The following DCN variants were observed in gnomAD, a reference collection of about 807,000 sequenced individuals.
DCN encodes the protein decorin.
A neutral mutation model predicts 36.5 loss-of-function variants in DCN; 17 were observed. That is an observed-to-expected ratio of 0.47 (90% CI 0.32 to 0.70). The LOEUF (loss-of-function observed/expected upper bound fraction) is 0.70. Among genes scored for constraint, DCN ranks in the 30% least tolerant of loss-of-function variants. The pLI, the probability that DCN is intolerant of heterozygous loss-of-function variation, is 0.04. For missense variants in DCN, 389 were observed against 430.1 expected (o/e 0.90, Z 0.84); for synonymous variants, 163 against 161.4 (o/e 1.01, Z -0.07).
chr12:91,164,758 A>C, intron 2 of DCN, 41 bp from the exon 3 acceptor site: 1 of 949,546 alleles, frequency 1.1e-6, no homozygotes, highest in Non-Finnish European at 1.7e-6. Context: ...AGTAGAAAGG[A>C]CATGTGGCTA....
In DCN at chr12:91,145,162, C is replaced by A. The variant is rs1880929788; in HGVS notation, c.*896G>T. 1.3e-5 allele frequency: 2 copies of A among 152,144 alleles called. No individual in the cohort carries two copies. Among genetic ancestry groups the A allele is most frequent in the African/African-American group, 4.8e-5 (2 of 41,436 alleles). 9.4% of individuals were successfully genotyped at this position (152,144 alleles called of 1,614,324 possible). ...CATTGATAGTTGTTTATAAATTCTA[C>A]AGAAAACATTTCTAACATGGGTGGT... On this transcript the variant is annotated 3_prime_UTR_variant, in exon 8 of 8. Coordinates refer to ENST00000052754, the MANE Select transcript of DCN (RefSeq NM_001920.5).
chr12:91,158,310 TG>T lies in DCN; in HGVS notation c.523del (p.Gln175ArgfsTer2). ...AATGTCTGTACCTATGACAATCATC[TG>T]GTTCAGTCCATTGAAAGTAACTTTT... The part of the protein sequence containing the change: ...VRKVTFNGLN[Q>X]MIVIELGTNP... On this transcript the variant is annotated frameshift_variant, in exon 4 of 8. Transcript: ENST00000052754. LOFTEE classifies it high-confidence loss of function. 1 of 1,601,008 alleles carries T rather than the reference TG, an allele frequency of 6.2e-7. No individual in the cohort carries two copies. Among genetic ancestry groups the T allele is most frequent in the Non-Finnish European group, 8.6e-7 (1 of 1,168,016 alleles).
chr12:91,154,328 C>T (rs904619368), intron 5 of DCN, among the ~76,000 whole-genome samples: 4 of 152,032 alleles, frequency 2.6e-5, no homozygotes. Flanking sequence ...GGCACTTTTC[C>T]TACTTCAAAT....
chr12:91,146,351 C>CTTTTTTTTTTTTTTTTTTTTT (rs376886852), intron 7 of DCN, 99 bp from the exon 8 acceptor site: 1 of 288,004 alleles, frequency 3.5e-6, no homozygotes, highest in Non-Finnish European at 5.9e-6. Flanking sequence ...TAATCCTTCA[C>CTTTTTTTTTTTTTTTTTTTTT]TTTTTTTTTT....
intron 3 of DCN, among the ~76,000 whole-genome samples, chr12:91,161,991 A>C (rs1481144788): frequency 6.6e-6 from 1 of 150,382 alleles, no homozygotes; most frequent in African/African-American, 2.5e-5. Context: ...CCAGGGCTGC[A>C]GTGCAGTGGC....
Position 91,147,884 on chromosome 12 carries a change from T to A in DCN, c.886-1632A>T, listed in dbSNP as rs1432117700. Among the ~76,000 whole-genome samples, 5 of 152,208 alleles carry A rather than the reference T, an allele frequency of 3.3e-5. No individual in the cohort carries two copies. The East Asian group carries it at 9.6e-4, about 29-fold the overall frequency. ...AGAGTTTTTTTTCTGAATTATGTTT[T>A]ACAATCATGTTTAAGATAATGGTAA... On this transcript the variant is annotated intron_variant, in intron 7 of 7. Coordinates refer to ENST00000052754, the MANE Select transcript of DCN (RefSeq NM_001920.5).
intron 4 of DCN, among the ~76,000 whole-genome samples, 171 bp downstream of exon 4, chr12:91,158,125 T>TGTAA: frequency 6.6e-6 from 1 of 152,304 alleles, no homozygotes; most frequent in East Asian, 1.9e-4. Context: ...AAAACATCAC[T>TGTAA]GTAAGGTCCA....
intron 7 of DCN, among the ~76,000 whole-genome samples, chr12:91,149,972 T>G (rs948291977): frequency 6.6e-6 from 1 of 152,168 alleles, no homozygotes; most frequent in Non-Finnish European, 1.5e-5. Flanking sequence ...ATTATTAAGA[T>G]AGTAATTCTT....
At chr12:91,157,551 T>A (rs897660432) in intron 4 of DCN, among the ~76,000 whole-genome samples, 8 of 152,218 alleles carry the variant, frequency 5.3e-5, no homozygotes, top group Admixed American at 2.0e-4. Flanking sequence ...CCTAAGGTAT[T>A]TTAAAATTTT....
At chr12:91,167,974 G>A (rs1159763064) in intron 2 of DCN, among the ~76,000 whole-genome samples, 2 of 152,124 alleles carry the variant, frequency 1.3e-5, no homozygotes, top group Admixed American at 1.3e-4. Flanking sequence ...GGGACTACAG[G>A]CGTTTGCCAC....
intron 7 of DCN, among the ~76,000 whole-genome samples, chr12:91,148,721 C>CAAAAAAAAAAAAAAAAAAAAAAAAA (rs5799978): frequency 8.1e-5 from 4 of 49,478 alleles, no homozygotes; most frequent in African/African-American, 1.3e-4. Flanking sequence ...CGCTCCGACT[C>CAAAAAAAAAAAAAAAAAAAAAAAAA]AAAAAAAAAA....
intron 2 of DCN, among the ~76,000 whole-genome samples, chr12:91,168,460 A>G (rs1468799774): frequency 6.6e-6 from 1 of 152,066 alleles, no homozygotes; most frequent in African/African-American, 2.4e-5. Flanking sequence ...TTGTTAGTTT[A>G]TTTATTTTTT....
At chr12:91,163,038 G>C (rs1411100054) in intron 3 of DCN, among the ~76,000 whole-genome samples, 2 of 152,190 alleles carry the variant, frequency 1.3e-5, no homozygotes, top group Non-Finnish European at 2.9e-5. Flanking sequence ...AATGGAAGTA[G>C]ACACAGTGAG....
chr12:91,154,065 T>C (rs1881606105), intron 5 of DCN, among the ~76,000 whole-genome samples: 1 of 152,056 alleles, frequency 6.6e-6, no homozygotes, highest in Admixed American at 6.6e-5. Flanking sequence ...AGAAAGAACA[T>C]CTGATTGGCA....
intron 7 of DCN, among the ~76,000 whole-genome samples, chr12:91,149,881 G>C (rs923575150): frequency 6.6e-6 from 1 of 152,104 alleles, no homozygotes; most frequent in Admixed American, 6.5e-5. Flanking sequence ...TGCAAGGCAT[G>C]TATGCTAAAA....
rs141738168 is a variant in DCN, at chr12:91,178,520, T to C, written c.33A>G (p.Ala11=). Residue 11 remains alanine (A), a synonymous_variant, in exon 2 of 8, where the codon GCA becomes GCG. Transcript: ENST00000052754. The stretch of plus-strand genomic sequence containing the variant: ...GAAACGGTCCAGCCCAGGAAACTTG[T>C]GCAAGCAGAAGGAGGATGATAGTGG... MKATIILLLL[A]QVSWAGPFQQ... is the part of the protein sequence containing the mutation. 5.7e-3 allele frequency: 9,193 copies of C among 1,613,688 alleles called. 38 individuals are homozygous for C. Among genetic ancestry groups the C allele is most frequent in the Middle Eastern group, 7.8e-3 (47 of 6,058 alleles).
rs762598758 is a variant in DCN at position 91,178,487 on chromosome 12, T to C, written c.66A>G (p.Arg22=). The part of the protein sequence containing the change: ...QVSWAGPFQQ[R]GLFDFMLEDE... ...CTTCTAGCATAAAGTCAAATAAGCCTCTCTGTTGAAACGGTCCAGCCCAGG... is the reference window on the plus strand; with the variant it reads ...CTTCTAGCATAAAGTCAAATAAGCCCCTCTGTTGAAACGGTCCAGCCCAGG... The change falls in exon 2 of 8, where the codon AGA becomes AGG. Residue 22 remains arginine, a synonymous_variant. Transcript: ENST00000052754. 2 of 1,613,594 alleles carry C rather than the reference T, an allele frequency of 1.2e-6. No homozygotes were observed. The highest frequency in any genetic ancestry group is 1.1e-5 in the South Asian group (1 of 91,060).
At chr12:91,160,679 C>T (rs1882101618) in intron 3 of DCN, among the ~76,000 whole-genome samples, 1 of 152,002 alleles carries the variant, frequency 6.6e-6, no homozygotes, top group Non-Finnish European at 1.5e-5. Flanking sequence ...ATATAAGGTA[C>T]TAAGAATAGT....
intron 2 of DCN, chr12:91,175,190 T>C (rs926251120): frequency 6.6e-6 from 1 of 152,128 alleles, no homozygotes; most frequent in Non-Finnish European, 1.5e-5. Context: ...AACTGGTTTA[T>C]TTCTTAACAT....
Sources: gnomAD v4.1 joint callset for allele counts (sites outside exome capture counted in the v4.1 genomes callset) on GRCh38, gnomAD v4.1.1 for gene constraint, MANE v1.5 for transcripts, NCBI Gene and HGNC (gene_info 2026-07-23, HGNC 2026-07-21) for gene names.